Variants in VPS53 observed in about 807,000 individuals in gnomAD.
VPS53 encodes the protein VPS53 subunit of GARP complex.
VPS53 carries 70 observed loss-of-function variants against 107.0 expected under a neutral mutation model. That is an observed-to-expected ratio of 0.65 (90% CI 0.54 to 0.80). VPS53 has a LOEUF of 0.80. Among genes scored for constraint, VPS53 ranks in the 30% least tolerant of loss-of-function variants. The pLI is 0.00. For synonymous variants in VPS53, 409 were observed against 393.3 expected (o/e 1.04, Z -0.47); for missense variants, 917 against 1,049.4 (o/e 0.87, Z 1.74).
intron 4 of VPS53, among the ~76,000 whole-genome samples, chr17:665,564 G>T (rs958036239): frequency 2.6e-5 from 4 of 152,220 alleles, no homozygotes; most frequent in African/African-American, 9.6e-5. Flanking sequence ...GAACAGTCTT[G>T]AAGTGAAGGC....
chr17:549,840 A>T (rs1911661453), intron 17 of VPS53, among the ~76,000 whole-genome samples: 1 of 152,240 alleles, frequency 6.6e-6, no homozygotes, highest in Non-Finnish European at 1.5e-5. Flanking sequence ...ACCCATCAGC[A>T]CCGGACTGCT....
Position 628,104 on chromosome 17 carries a change from A to T in VPS53, c.815T>A (p.Phe272Tyr). The stretch of plus-strand genomic sequence containing the variant: ...AATACTCACATCTTGGTTTTCTTGA[A>T]AAAGTACCAGATACTCTGACAGATG... ...KQHLSEYLVL[F>Y]QENQDVAWLD... The change falls in exon 9 of 22, where the codon TTT becomes TAT. Residue 272 changes from phenylalanine (F) to tyrosine (Y), a missense_variant. Phe to Tyr is a conservative substitution (Grantham distance 22). Transcript: ENST00000437048. 6.2e-7 allele frequency: 1 copy of T among 1,611,090 alleles called. No homozygotes were observed. Among genetic ancestry groups the T allele is most frequent in the Non-Finnish European group, 8.5e-7 (1 of 1,179,166 alleles).
intron 7 of VPS53, among the ~76,000 whole-genome samples, chr17:643,001 C>T (rs113577510): frequency 4.1e-5 from 5 of 121,546 alleles, no homozygotes; most frequent in East Asian, 5.0e-4. Flanking sequence ...ACTTGGAAAG[C>T]GAGGACAACA....
At chr17:650,496 C>CA (rs71145759) in intron 7 of VPS53, among the ~76,000 whole-genome samples, 35,565 of 151,556 alleles carry the variant, frequency 0.23, 4,380 homozygotes, top group Admixed American at 0.32. Flanking sequence ...GACTCCGTCT[C>CA]AAAAAAACAA....
intron 11 of VPS53, among the ~76,000 whole-genome samples, chr17:605,379 A>G (rs887648632): frequency 6.6e-6 from 1 of 152,224 alleles, no homozygotes; most frequent in Non-Finnish European, 1.5e-5. Flanking sequence ...CTGCTCAGGC[A>G]AAACCCAAGG....
intron 4 of VPS53, among the ~76,000 whole-genome samples, chr17:662,594 C>G (rs1333245161): frequency 6.6e-6 from 1 of 151,780 alleles, no homozygotes; most frequent in East Asian, 1.9e-4. Context: ...GAAGCTGAGG[C>G]AGAAGAATTG....
At chr17:548,579 AAAT>A (rs1911498166) in intron 17 of VPS53, among the ~76,000 whole-genome samples, 1 of 101,966 alleles carries the variant, frequency 9.8e-6, no homozygotes, top group African/African-American at 4.0e-5. Flanking sequence ...GTCCTTCTGG[AAAT>A]ATCCAACGAC....
chr17:592,670 C>G (rs534416874), intron 12 of VPS53, among the ~76,000 whole-genome samples: 3 of 152,284 alleles, frequency 2.0e-5, no homozygotes, highest in African/African-American at 4.8e-5. Flanking sequence ...GGCTGGATAT[C>G]AAATTCTGGG....
intron 4 of VPS53, among the ~76,000 whole-genome samples, chr17:681,549 T>C (rs745358041): frequency 5.9e-5 from 9 of 152,244 alleles, no homozygotes; most frequent in Non-Finnish European, 1.3e-4. Context: ...ATATTGAATC[T>C]GTTGTGATCT....
intron 12 of VPS53, among the ~76,000 whole-genome samples, chr17:595,543 C>CT (rs143259585): frequency 0.85 from 12,102 of 14,250 alleles, 5,873 homozygotes; most frequent in Middle Eastern, 1. Flanking sequence ...AGTGCCCCCC[C>CT]GGAGGAAGCT....
chr17:627,224 A>G lies in VPS53; in HGVS notation c.924T>C (p.Arg308=). 2 of 1,614,136 alleles carry G rather than the reference A, an allele frequency of 1.2e-6. No individual in the cohort carries two copies. The highest frequency in any genetic ancestry group is 1.7e-6 in the Non-Finnish European group (2 of 1,180,018). The change falls in exon 10 of 22, where the codon CGT becomes CGC. Residue 308 remains arginine (R), a synonymous_variant. Transcript: ENST00000437048. ...CAATCCTCTCAGCCATGCACCACTC[A>G]CGTGGAAACATGCGGCCGTATTTCT... ...YEEKYGRMFP[R]EWCMAERIAV...
Position 622,905 on chromosome 17 carries a change from G to A in VPS53, c.1116+628C>T, listed in dbSNP as rs530848138. Among the ~76,000 whole-genome samples, 3 of 151,810 alleles carry A rather than the reference G, an allele frequency of 2.0e-5. No homozygotes were observed. The South Asian group carries it at 6.3e-4, about 32-fold the overall frequency. On this transcript the variant is annotated intron_variant, in intron 11 of 21. Transcript: ENST00000437048. ...AGGTCTCACTATGTTGCCCAGGCTG[G>A]TCTCGAACTCCTGGTCTCAAGCAAT...
chr17:594,522 C>A (rs1415355522), intron 12 of VPS53, among the ~76,000 whole-genome samples: 1 of 150,016 alleles, frequency 6.7e-6, no homozygotes, highest in African/African-American at 2.5e-5. Flanking sequence ...TAATGATGCA[C>A]TCTAGTGTCC....
intron 17 of VPS53, 156 bp from the exon 18 acceptor site, chr17:537,332 A>G (rs1284885987): frequency 1.0e-5 from 8 of 794,384 alleles, no homozygotes; most frequent in Admixed American, 2.8e-5. Context: ...TTCGTTCTGT[A>G]GGGACTGATA....
chr17:701,695 TATC>T (rs1973209679), intron 2 of VPS53, among the ~76,000 whole-genome samples: 1 of 152,030 alleles, frequency 6.6e-6, no homozygotes, highest in Admixed American at 6.6e-5. Context: ...ACATTTCTAA[TATC>T]ATTTTATGAT....
chr17:637,253 C>T (rs1378860527), intron 7 of VPS53, among the ~76,000 whole-genome samples: 2 of 152,152 alleles, frequency 1.3e-5, no homozygotes, highest in Non-Finnish European at 2.9e-5. Context: ...TCTGTGGGAT[C>T]AGTGGTGATA....
At chr17:538,548 C>T (rs913967108) in intron 17 of VPS53, 5 of 152,188 alleles carry the variant, frequency 3.3e-5, no homozygotes, top group South Asian at 2.1e-4. Flanking sequence ...TCACATCGTA[C>T]GTGGATGATT....
At chr17:710,983 G>A (rs890472991) in intron 1 of VPS53, among the ~76,000 whole-genome samples, 1 of 152,110 alleles carries the variant, frequency 6.6e-6, no homozygotes, top group Non-Finnish European at 1.5e-5. Context: ...AAATAAGGCT[G>A]CGCGGATCGC....
chr17:642,635 A>G (rs1371811813), intron 7 of VPS53, among the ~76,000 whole-genome samples: 2 of 151,360 alleles, frequency 1.3e-5, no homozygotes, highest in African/African-American at 4.9e-5. Context: ...ATACTTGGAA[A>G]GCGAGGACAA....
Sources: gnomAD v4.1 joint callset for allele counts (sites outside exome capture counted in the v4.1 genomes callset) on GRCh38, gnomAD v4.1.1 for gene constraint, MANE v1.5 for transcripts, NCBI Gene and HGNC (gene_info 2026-07-23, HGNC 2026-07-21) for gene names.